The following KRTAP10-5 variants were observed in gnomAD, a reference collection of about 807,000 sequenced individuals.
The protein encoded by KRTAP10-5 is keratin-associated protein 10-5.
For missense variants in KRTAP10-5, 370 were observed against 351.2 expected, an observed-to-expected ratio of 1.05 and a Z score of -0.43; for synonymous variants, 157 against 151.9, an observed-to-expected ratio of 1.03 and a Z score of -0.25.
rs376826211 is a variant in KRTAP10-5 at position 44,580,545 on chromosome 21, C to G, written c.34G>C (p.Ala12Pro). 33 of 1,613,520 alleles carry G rather than the reference C, an allele frequency of 2.0e-5. No homozygotes were observed. Among genetic ancestry groups the G allele is most frequent in the Non-Finnish European group, 2.8e-5 (33 of 1,179,834 alleles). Residue 12 changes from alanine to proline, a missense_variant, in exon 1 of 1, where the codon GCT (alanine) becomes CCT (proline). Coordinates refer to ENST00000400372, the MANE Select transcript of KRTAP10-5 (RefSeq NM_198694.3). The part of the protein sequence containing the change: ...AACTMSVCSS[A>P]CSDSWRVDDC... ...TCCACTCGCCAGGAGTCAGAGCAAG[C>G]GCTGGAGCAGACGGACATGGTGCAC... is the stretch of plus-strand genomic sequence containing the variant.
rs781848776 is a variant in KRTAP10-5, at chr21:44,580,454, G to T, written c.125C>A (p.Thr42Asn). The T allele has an allele frequency of 5.0e-6, 8 of 1,613,098 alleles. No homozygotes were observed. In the African/African-American group the frequency reaches 8.0e-5, roughly 16 times the overall value. The change falls in exon 1 of 1, where the codon ACC (threonine) becomes AAC (asparagine). Residue 42 changes from threonine (T) to asparagine (N), a missense_variant. Coordinates refer to ENST00000400372, the MANE Select transcript of KRTAP10-5 (RefSeq NM_198694.3). The part of the protein sequence containing the change: ...GTAPCLTLVC[T>N]PVSCVSSPCC... The stretch of plus-strand genomic sequence containing the variant: ...GGGGCTGGACACACAGCTCACTGGG[G>T]TGCAGACCAGGGTCAGGCAGGGGGC...
Position 44,580,077 on chromosome 21 carries a change from A to AG in KRTAP10-5, c.501dup (p.Cys168LeufsTer37), listed in dbSNP as rs1978816824. The AG allele has an allele frequency of 6.2e-7, 1 of 1,613,650 alleles. No individual in the cohort carries two copies. Among genetic ancestry groups the AG allele is most frequent in the Admixed American group, 1.7e-5 (1 of 59,826 alleles). On this transcript the variant is annotated frameshift_variant, in exon 1 of 1. Transcript: ENST00000400372. LOFTEE classifies it low-confidence loss of function (END_TRUNC). Reference sequence around the variant, plus strand: ...ACAGGCACGTAGCAGGACTGCTGGCAGGGGGAGGAGGTGCAGCAAGTCGGC... The same window carrying AG: ...ACAGGCACGTAGCAGGACTGCTGGCAGGGGGGAGGAGGTGCAGCAAGTCGGC...
Position 44,580,030 on chromosome 21 carries a change from G to C in KRTAP10-5, c.549C>G (p.Cys183Trp). The change falls in exon 1 of 1, where the codon TGC becomes TGG. Residue 183 changes from cysteine (C) to tryptophan (W), a missense_variant. By Grantham distance (215) the Cys-to-Trp change is radical (BLOSUM62 -2). Coordinates refer to ENST00000400372, the MANE Select transcript of KRTAP10-5 (RefSeq NM_198694.3). The part of the protein sequence containing the change: ...YVPVCCKPVC[C>W]KPICCVPVCS... ...AGACGGGCACACAGCAGATGGGTTT[G>C]CAGCAGACAGGCTTGCAACAGACAG... 1.3e-6 allele frequency: 2 copies of C among 1,595,110 alleles called. No homozygotes were observed. Among genetic ancestry groups the C allele is most frequent in the South Asian group, 1.1e-5 (1 of 90,432 alleles).
In KRTAP10-5 at chr21:44,579,695, G is replaced by T; in HGVS notation, c.*68C>A. Reference sequence around the variant, plus strand: ...CCAAGCGGGGGCAACCTCCTAACCCGAGTCAGGACCAGTTGGCCCTGGGGG... The same window carrying T: ...CCAAGCGGGGGCAACCTCCTAACCCTAGTCAGGACCAGTTGGCCCTGGGGG... On this transcript the variant is annotated 3_prime_UTR_variant, in exon 1 of 1. Coordinates refer to ENST00000400372, the MANE Select transcript of KRTAP10-5 (RefSeq NM_198694.3). The T allele has an allele frequency of 6.4e-7, 1 of 1,556,354 alleles. No individual in the cohort carries two copies. Among genetic ancestry groups the T allele is most frequent in the South Asian group, 1.2e-5 (1 of 82,280 alleles).
At position 44,580,414 on chromosome 21, in the gene KRTAP10-5, G is replaced by T; in HGVS notation, c.165C>A (p.Ala55=). The T allele has an allele frequency of 3.7e-6, 6 of 1,613,000 alleles. No individual in the cohort carries two copies. The highest frequency in any genetic ancestry group is 5.1e-6 in the Non-Finnish European group (6 of 1,179,758). Residue 55 remains alanine, a synonymous_variant, in exon 1 of 1, where the codon GCC becomes GCA. Coordinates refer to ENST00000400372, the MANE Select transcript of KRTAP10-5 (RefSeq NM_198694.3). Reference sequence around the variant, plus strand: ...CTGATTGGCAGGGGCTGGGCTCACAGGCCGCCTGGCAGCAGGGGCTGGACA... The same window carrying T: ...CTGATTGGCAGGGGCTGGGCTCACATGCCGCCTGGCAGCAGGGGCTGGACA... ...SCVSSPCCQA[A]CEPSPCQSGC...
rs1366394573 is a variant in KRTAP10-5, at chr21:44,579,715, T to C, written c.*48A>G. On this transcript the variant is annotated 3_prime_UTR_variant, in exon 1 of 1. Coordinates refer to ENST00000400372, the MANE Select transcript of KRTAP10-5 (RefSeq NM_198694.3). ...AACCCGAGTCAGGACCAGTTGGCCC[T>C]GGGGGATGTGCACATCAGCAACTGG... 6.3e-7 allele frequency: 1 copy of C among 1,580,614 alleles called. No homozygotes were observed. Among genetic ancestry groups the C allele is most frequent in the South Asian group, 1.2e-5 (1 of 84,994 alleles).
rs1242234886 is a variant in KRTAP10-5, at chr21:44,579,637, G to GC, written c.*125_*126insG. 2 of 1,195,438 alleles carry GC rather than the reference G, an allele frequency of 1.7e-6. No homozygotes were observed. Among genetic ancestry groups the GC allele is most frequent in the African/African-American group, 3.1e-5 (2 of 64,304 alleles). 74.1% of individuals were successfully genotyped at this position (1,195,438 alleles called of 1,614,324 possible). ...GATGGAGATTCCTGGGAGTATGGAGGGGGGGGTCACCTCAGCACATGGGGG... is the reference window on the plus strand; with the variant it reads ...GATGGAGATTCCTGGGAGTATGGAGGCGGGGGGTCACCTCAGCACATGGGGG... On this transcript the variant is annotated 3_prime_UTR_variant, in exon 1 of 1. Coordinates refer to ENST00000400372, the MANE Select transcript of KRTAP10-5 (RefSeq NM_198694.3).
rs781990949 is a variant in KRTAP10-5, at chr21:44,580,293, G to T, written c.286C>A (p.Pro96Thr). 46 of 1,613,498 alleles carry T rather than the reference G, an allele frequency of 2.9e-5. No homozygotes were observed. Among genetic ancestry groups the T allele is most frequent in the Non-Finnish European group, 3.5e-5 (41 of 1,179,872 alleles). The change falls in exon 1 of 1, where the codon CCT (proline) becomes ACT (threonine). Residue 96 changes from proline (P) to threonine (T), a missense_variant. Pro to Thr is a conservative substitution (Grantham distance 38, BLOSUM62 -1). Coordinates refer to ENST00000400372, the MANE Select transcript of KRTAP10-5 (RefSeq NM_198694.3). ...QACCVPVCCK[P>T]VCCLPTCSKD... ...GAGCAGGTGGGCAGGCAGCACACAG[G>T]CTTGCAGCAGACGGGCACGCAGCAG...
In KRTAP10-5 at chr21:44,579,833, G is replaced by T. The variant is rs201685413; in HGVS notation, c.746C>A (p.Ala249Asp). The change falls in exon 1 of 1, where the codon GCC becomes GAC. Residue 249 changes from alanine (A) to aspartate (D), a missense_variant. By Grantham distance (126) the Ala-to-Asp change is moderately radical. Transcript: ENST00000400372. Reference protein sequence around the residue: ...SCCAPASSYQASCCRPASCVS... With the variant: ...SCCAPASSYQDSCCRPASCVS... ...GCAGGAGGCCGGGCGGCAGCAGCTG[G>T]CCTGGTAGGAGGAGGCAGGGGCACA... 1.9e-6 allele frequency: 3 copies of T among 1,610,204 alleles called. No individual in the cohort carries two copies. In the African/African-American group the frequency reaches 4.0e-5, roughly 22 times the overall value.
chr21:44,580,078 G>T lies in KRTAP10-5; in HGVS notation c.501C>A (p.Pro167=). The T allele has an allele frequency of 6.2e-7, 1 of 1,613,788 alleles. No homozygotes were observed. Among genetic ancestry groups the T allele is most frequent in the South Asian group, 1.1e-5 (1 of 91,040 alleles). Residue 167 remains proline, a synonymous_variant, in exon 1 of 1, where the codon CCC becomes CCA. Coordinates refer to ENST00000400372, the MANE Select transcript of KRTAP10-5 (RefSeq NM_198694.3). ...SCQPTCCTSS[P]CQQSCYVPVC... is the part of the protein sequence containing the mutation. The stretch of plus-strand genomic sequence containing the variant: ...CAGGCACGTAGCAGGACTGCTGGCA[G>T]GGGGAGGAGGTGCAGCAAGTCGGCT...
Position 44,580,545 on chromosome 21 carries a change from C to T in KRTAP10-5, c.34G>A (p.Ala12Thr), listed in dbSNP as rs376826211. 11 of 1,613,404 alleles carry T rather than the reference C, an allele frequency of 6.8e-6. No homozygotes were observed. The highest frequency in any genetic ancestry group is 1.7e-4 in the Middle Eastern group (1 of 5,904). The change falls in exon 1 of 1, where the codon GCT (alanine) becomes ACT (threonine). Residue 12 changes from alanine to threonine, a missense_variant. Coordinates refer to ENST00000400372, the MANE Select transcript of KRTAP10-5 (RefSeq NM_198694.3). ...TCCACTCGCCAGGAGTCAGAGCAAGCGCTGGAGCAGACGGACATGGTGCAC... is the reference window on the plus strand; with the variant it reads ...TCCACTCGCCAGGAGTCAGAGCAAGTGCTGGAGCAGACGGACATGGTGCAC... ...AACTMSVCSS[A>T]CSDSWRVDDC...
In KRTAP10-5 at chr21:44,579,592, A is replaced by G. The variant is rs1253367434; in HGVS notation, c.*171T>C. The G allele has an allele frequency of 4.8e-6, 4 of 827,694 alleles. No homozygotes were observed. The Admixed American group carries it at 1.2e-4, about 24-fold the overall frequency. 51.3% of individuals were successfully genotyped at this position (827,694 alleles called of 1,614,324 possible). A position where few individuals can be genotyped will look rare whatever the true frequency, so the allele number is the denominator to read the frequency against. On this transcript the variant is annotated 3_prime_UTR_variant, in exon 1 of 1. Transcript: ENST00000400372. ...GGCAGGTGGGCCCCTGCTGGGAGGCAGGAGCTGGGGAGCTTCGAGGATGGA... is the reference window on the plus strand; with the variant it reads ...GGCAGGTGGGCCCCTGCTGGGAGGCGGGAGCTGGGGAGCTTCGAGGATGGA...
rs782740300 is a variant in KRTAP10-5, at chr21:44,579,763, T to G, written c.816A>C (p.Ter272CysextTer11). Residue 272 changes from the stop codon to cysteine (C), a stop_lost, in exon 1 of 1, where the codon TGA becomes TGC. Coordinates refer to ENST00000400372, the MANE Select transcript of KRTAP10-5 (RefSeq NM_198694.3). ...TGGACTCCTGGCCTGAGCAGAGGCC[T>G]CAGCAGGCCAGGGGGGAGCACGCGG... is the stretch of plus-strand genomic sequence containing the variant. ...CRPACSPLAC* is the reference protein window; with the variant it reads ...CRPACSPLACC 20 of 1,609,816 alleles carry G rather than the reference T, an allele frequency of 1.2e-5. No homozygotes were observed. The Admixed American group carries it at 1.3e-4, about 11-fold the overall frequency.
In KRTAP10-5 at chr21:44,579,842, G is replaced by T. The variant is rs587720012; in HGVS notation, c.737C>A (p.Ser246Tyr). Reference sequence around the variant, plus strand: ...CGGGCGGCAGCAGCTGGCCTGGTAGGAGGAGGCAGGGGCACAGCAGGAGGA... The same window carrying T: ...CGGGCGGCAGCAGCTGGCCTGGTAGTAGGAGGCAGGGGCACAGCAGGAGGA... ...PISSCCAPAS[S>Y]YQASCCRPAS... The change falls in exon 1 of 1, where the codon TCC becomes TAC. Residue 246 changes from serine (S) to tyrosine (Y), a missense_variant. Physicochemically the swap from Ser to Tyr is moderately radical, Grantham distance 144 (BLOSUM62 -2). Coordinates refer to ENST00000400372, the MANE Select transcript of KRTAP10-5 (RefSeq NM_198694.3). The T allele has an allele frequency of 1.0e-5, 16 of 1,596,026 alleles. No homozygotes were observed. Among genetic ancestry groups the T allele is most frequent in the Non-Finnish European group, 1.4e-5 (16 of 1,168,372 alleles).
In KRTAP10-5 at chr21:44,580,418, G is replaced by A. The variant is rs782133350; in HGVS notation, c.161C>T (p.Ala54Val). The stretch of plus-strand genomic sequence containing the variant: ...TTGGCAGGGGCTGGGCTCACAGGCC[G>A]CCTGGCAGCAGGGGCTGGACACACA... ...VSCVSSPCCQ[A>V]ACEPSPCQSG... Residue 54 changes from alanine (A) to valine (V), a missense_variant, in exon 1 of 1, where the codon GCG becomes GTG. Coordinates refer to ENST00000400372, the MANE Select transcript of KRTAP10-5 (RefSeq NM_198694.3). 23 of 1,612,852 alleles carry A rather than the reference G, an allele frequency of 1.4e-5. No individual in the cohort carries two copies. The highest frequency in any genetic ancestry group is 5.5e-5 in the South Asian group (5 of 91,018).
chr21:44,579,683 A>G lies in KRTAP10-5; in HGVS notation c.*80T>C, dbSNP rs1486174232. On this transcript the variant is annotated 3_prime_UTR_variant, in exon 1 of 1. Transcript: ENST00000400372. Reference sequence around the variant, plus strand: ...GGGGGCCCCGTCCCAAGCGGGGGCAACCTCCTAACCCGAGTCAGGACCAGT... The same window carrying G: ...GGGGGCCCCGTCCCAAGCGGGGGCAGCCTCCTAACCCGAGTCAGGACCAGT... 1 of 1,531,970 alleles carries G rather than the reference A, an allele frequency of 6.5e-7. No homozygotes were observed. Among genetic ancestry groups the G allele is most frequent in the Non-Finnish European group, 8.7e-7 (1 of 1,142,956 alleles). 94.9% of individuals were successfully genotyped at this position (1,531,970 alleles called of 1,614,324 possible).
In KRTAP10-5 at chr21:44,580,351, C is replaced by T. The variant is rs368543649; in HGVS notation, c.228G>A (p.Pro76=). The T allele has an allele frequency of 4.0e-4, 643 of 1,613,700 alleles. No individual in the cohort carries two copies. The highest frequency in any genetic ancestry group is 5.1e-4 in the Non-Finnish European group (597 of 1,179,966). ...TSSCTPSCCQ[P]ACCASSPCQQ... is the part of the protein sequence containing the mutation. ...GGCAGGGGGAGGAGGCGCAGCAAGCCGGCTGGCAGCACGAGGGCGTGCAGG... is the reference window on the plus strand; with the variant it reads ...GGCAGGGGGAGGAGGCGCAGCAAGCTGGCTGGCAGCACGAGGGCGTGCAGG... Residue 76 remains proline, a synonymous_variant, in exon 1 of 1, where the codon CCG becomes CCA. Coordinates refer to ENST00000400372, the MANE Select transcript of KRTAP10-5 (RefSeq NM_198694.3).
Position 44,579,787 on chromosome 21 carries a change from G to A in KRTAP10-5, c.792C>T (p.Pro264=), listed in dbSNP as rs782299079. The change falls in exon 1 of 1, where the codon CCC becomes CCT. Residue 264 remains proline, a synonymous_variant. Coordinates refer to ENST00000400372, the MANE Select transcript of KRTAP10-5 (RefSeq NM_198694.3). ...CTCAGCAGGCCAGGGGGGAGCACGC[G>A]GGGCGGCAGAGGAGGGACACGCAGG... ...PASCVSLLCR[P]ACSPLAC is the part of the protein sequence containing the mutation. 2.4e-5 allele frequency: 38 copies of A among 1,608,214 alleles called. No individual in the cohort carries two copies. The highest frequency in any genetic ancestry group is 1.2e-4 in the South Asian group (11 of 90,014).
In KRTAP10-5 at chr21:44,579,619, A is replaced by G; in HGVS notation, c.*144T>C. On this transcript the variant is annotated 3_prime_UTR_variant, in exon 1 of 1. Transcript: ENST00000400372. ...GAGCTGGGGAGCTTCGAGGATGGAGATTCCTGGGAGTATGGAGGGGGGGGT... is the reference window on the plus strand; with the variant it reads ...GAGCTGGGGAGCTTCGAGGATGGAGGTTCCTGGGAGTATGGAGGGGGGGGT... The G allele has an allele frequency of 9.4e-7, 1 of 1,060,024 alleles. No homozygotes were observed. The highest frequency in any genetic ancestry group is 1.6e-5 in the South Asian group (1 of 62,562). 65.7% of individuals were successfully genotyped at this position (1,060,024 alleles called of 1,614,324 possible).
Sources: allele counts gnomAD v4.1 joint callset, GRCh38; gene constraint gnomAD v4.1.1; transcripts MANE v1.5; gene names NCBI Gene and HGNC (gene_info 2026-07-23, HGNC 2026-07-21).